Variants in ZNF892 observed in about 807,000 individuals in gnomAD.
ZNF892 encodes zinc finger protein 892.
chr2:95,233,411 C>T, the ZNF892 span, among the ~76,000 whole-genome samples: 1 of 151,440 alleles, frequency 6.6e-6, no homozygotes, highest in Non-Finnish European at 1.5e-5. Context: ...CGGTGGCTCA[C>T]GCCTGTAATC....
the ZNF892 span, among the ~76,000 whole-genome samples, chr2:95,258,215 G>A: frequency 6.4e-4 from 97 of 152,236 alleles, no homozygotes; most frequent in African/African-American, 2.2e-3. Context: ...GGCTCCACTC[G>A]AGGCAAATTT....
At chr2:95,207,167 C>T in the ZNF892 span, among the ~76,000 whole-genome samples, 1 of 152,262 alleles carries the variant, frequency 6.6e-6, no homozygotes, top group Non-Finnish European at 1.5e-5. Flanking sequence ...CATGGAGGCG[C>T]AGCAGCGAGG....
the ZNF892 span, among the ~76,000 whole-genome samples, chr2:95,249,226 TATATA>T: frequency 3.2e-5 from 2 of 62,264 alleles, no homozygotes; most frequent in South Asian, 6.2e-4. Context: ...TATATATATA[TATATA>T]TTTTTTTTTT....
At chr2:95,216,861 A>G in the ZNF892 span, among the ~76,000 whole-genome samples, 5 of 151,998 alleles carry the variant, frequency 3.3e-5, no homozygotes, top group Non-Finnish European at 5.9e-5. Flanking sequence ...TTCTTCTGGG[A>G]CTCTAATGAA....
At chr2:95,222,073 C>A in the ZNF892 span, among the ~76,000 whole-genome samples, 1 of 152,162 alleles carries the variant, frequency 6.6e-6, no homozygotes, top group African/African-American at 2.4e-5. Flanking sequence ...GGGTACAGAA[C>A]AATTCCACTG....
chr2:95,240,122 A>G, the ZNF892 span, among the ~76,000 whole-genome samples: 2 of 152,192 alleles, frequency 1.3e-5, no homozygotes, highest in African/African-American at 4.8e-5. Context: ...AAGGTTGAAA[A>G]AAAAAAAAGA....
the ZNF892 span, among the ~76,000 whole-genome samples, chr2:95,226,761 T>C: frequency 6.6e-6 from 1 of 152,132 alleles, no homozygotes; most frequent in Non-Finnish European, 1.5e-5. Context: ...AGTGTGGGGT[T>C]GCTTAGGCCC....
At chr2:95,235,733 T>C in the ZNF892 span, among the ~76,000 whole-genome samples, 1 of 152,202 alleles carries the variant, frequency 6.6e-6, no homozygotes, top group African/African-American at 2.4e-5. Flanking sequence ...TTGTGGTGAT[T>C]TCTCTGAAGT....
the ZNF892 span, among the ~76,000 whole-genome samples, chr2:95,219,419 T>C: frequency 6.6e-6 from 1 of 152,306 alleles, no homozygotes; most frequent in East Asian, 1.9e-4. Flanking sequence ...TTCAGTTCCA[T>C]TTGATTCTTT....
chr2:95,253,574 T>C, the ZNF892 span, among the ~76,000 whole-genome samples: 1 of 152,212 alleles, frequency 6.6e-6, no homozygotes, highest in African/African-American at 2.4e-5. Flanking sequence ...TGGGCTCTTT[T>C]TTGGTTCCAT....
At chr2:95,234,377 C>G in the ZNF892 span, among the ~76,000 whole-genome samples, 5 of 152,366 alleles carry the variant, frequency 3.3e-5, no homozygotes, top group African/African-American at 1.2e-4. Flanking sequence ...AGGCAGGACT[C>G]TAATCTGATT....
the ZNF892 span, among the ~76,000 whole-genome samples, chr2:95,209,648 T>C: frequency 6.6e-6 from 1 of 152,228 alleles, no homozygotes; most frequent in African/African-American, 2.4e-5. Flanking sequence ...CAGTATTGAT[T>C]TTGATCTGTG....
chr2:95,246,044 C>G, the ZNF892 span, among the ~76,000 whole-genome samples: 2 of 152,186 alleles, frequency 1.3e-5, no homozygotes, highest in Non-Finnish European at 2.9e-5. Context: ...GATACCAAAA[C>G]CTGGCAGAGA....
the ZNF892 span, among the ~76,000 whole-genome samples, chr2:95,237,596 A>C: frequency 6.6e-6 from 1 of 152,220 alleles, no homozygotes; most frequent in South Asian, 2.1e-4. Context: ...AAGAGAAAGG[A>C]AGAGTCACAT....
the ZNF892 span, among the ~76,000 whole-genome samples, chr2:95,220,386 C>T: frequency 1.3e-5 from 2 of 150,436 alleles, no homozygotes; most frequent in African/African-American, 2.4e-5. Flanking sequence ...TTGGCGTTTC[C>T]GGGTTGCCAG....
At chr2:95,252,721 A>G in the ZNF892 span, among the ~76,000 whole-genome samples, 2 of 152,140 alleles carry the variant, frequency 1.3e-5, no homozygotes, top group African/African-American at 4.8e-5. Flanking sequence ...AAGTGTTCCT[A>G]TTTCTCCACA....
At chr2:95,219,565 G>A in the ZNF892 span, among the ~76,000 whole-genome samples, 3 of 152,162 alleles carry the variant, frequency 2.0e-5, no homozygotes, top group African/African-American at 7.2e-5. Flanking sequence ...TGTCATCTCA[G>A]TGTTGACATC....
the ZNF892 span, among the ~76,000 whole-genome samples, chr2:95,218,286 C>G: frequency 6.6e-6 from 1 of 152,090 alleles, no homozygotes; most frequent in East Asian, 1.9e-4. Context: ...CACTTAATGT[C>G]TCTCCTCTCA....
chr2:95,212,047 C>T, the ZNF892 span: 1 of 396,484 alleles, frequency 2.5e-6, no homozygotes, highest in African/African-American at 2.1e-5. Flanking sequence ...GGACTCAAAC[C>T]CCTATCAATC....
Sources: gnomAD v4.1 joint callset for allele counts (sites outside exome capture counted in the v4.1 genomes callset) on GRCh38, gnomAD v4.1.1 for gene constraint, MANE v1.5 for transcripts, NCBI Gene and HGNC (gene_info 2026-07-23, HGNC 2026-07-21) for gene names.